ABLIM2: variants seen among roughly 807,000 people sequenced by gnomAD.
The protein encoded by ABLIM2 is actin-binding LIM protein 2.
ABLIM2 carries 53 observed loss-of-function variants against 97.7 expected under a neutral mutation model. The observed-to-expected ratio is 0.54, with a 90% confidence interval of 0.44 to 0.68. The LOEUF (loss-of-function observed/expected upper bound fraction) is 0.68, where lower values mean the gene tolerates loss of function less well. ABLIM2 is among the 30% of genes least tolerant of loss of function. The pLI, the probability that ABLIM2 is intolerant of heterozygous loss-of-function variation, is 0.00. For synonymous variants in ABLIM2, 361 were observed against 345.8 expected (o/e 1.04, Z -0.49); for missense variants, 835 against 867.2 (o/e 0.96, Z 0.47).
At chr4:8,028,109 G>A (rs1040876915) in intron 11 of ABLIM2, among the ~76,000 whole-genome samples, 5 of 152,240 alleles carry the variant, frequency 3.3e-5, no homozygotes, top group Non-Finnish European at 5.9e-5. Flanking sequence ...GTTCCCCAGG[G>A]GGGGTTAGGC....
rs76696765 is a variant in ABLIM2, at chr4:7,990,496, T to C, written c.1680+2370A>G. On this transcript the variant is annotated intron_variant, in intron 17 of 20. Coordinates refer to ENST00000447017, the MANE Select transcript of ABLIM2 (RefSeq NM_001130083.2). ...CAACCACGCCCCACCTCTCATGTAA[T>C]ATTTGTTTGTTTGTTTGTTTGTTTT... Among the ~76,000 whole-genome samples the C allele has an allele frequency of 4.0e-3, 609 of 152,214 alleles. 3 individuals are homozygous for C. The highest frequency in any genetic ancestry group is 0.013 in the African/African-American group (528 of 41,534).
At chr4:8,098,455 C>T (rs1438703818) in intron 2 of ABLIM2, among the ~76,000 whole-genome samples, 1 of 152,168 alleles carries the variant, frequency 6.6e-6, no homozygotes, top group African/African-American at 2.4e-5. Flanking sequence ...ATATCGAGGC[C>T]AAAGCAAGAC....
chr4:8,102,505 C>G (rs1033394483), intron 2 of ABLIM2, among the ~76,000 whole-genome samples: 1 of 152,214 alleles, frequency 6.6e-6, no homozygotes, highest in Non-Finnish European at 1.5e-5. Context: ...CCCAAATACC[C>G]TGAACAGTGC....
rs1024913103 is a variant in ABLIM2, at chr4:8,140,542, G to A, written c.10+18138C>T. 1.3e-5 allele frequency among the ~76,000 whole-genome samples: 2 copies of A among 152,194 alleles called. No individual in the cohort carries two copies. Among genetic ancestry groups the A allele is most frequent in the Non-Finnish European group, 2.9e-5 (2 of 68,040 alleles). The stretch of plus-strand genomic sequence containing the variant: ...CCTTGCCTGCATGTGGGAGCCACAC[G>A]TGGCCTCTCTTTAACCGGCTTCAAT... On this transcript the variant is annotated intron_variant, in intron 1 of 20. Transcript: ENST00000447017. The surrounding 1 kb of genome is among the most constrained non-coding windows in gnomAD (Gnocchi z 5.9).
At chr4:8,064,461 T>C (rs566310690) in intron 6 of ABLIM2, among the ~76,000 whole-genome samples, 1 of 152,290 alleles carries the variant, frequency 6.6e-6, no homozygotes, top group East Asian at 1.9e-4. Flanking sequence ...CCCCTCACCA[T>C]GGGACTCTGC....
chr4:8,145,118 C>G (rs1049988850), intron 1 of ABLIM2, among the ~76,000 whole-genome samples: 67 of 152,048 alleles, frequency 4.4e-4, no homozygotes, highest in Non-Finnish European at 9.6e-4. Flanking sequence ...TTTGTGGTGT[C>G]GGAGATCAAT....
chr4:8,008,617 G>A lies in ABLIM2; in HGVS notation c.1477-417C>T, dbSNP rs41266511. Among the ~76,000 whole-genome samples, 984 of 152,344 alleles carry A rather than the reference G, an allele frequency of 6.5e-3. 5 individuals are homozygous for A. The highest frequency in any genetic ancestry group is 0.011 in the Non-Finnish European group (719 of 68,028). ...TGTCATGAATACGTTGTTGGAACAC[G>A]GAGATGCCTGTTCGTGCCCTGGCTC... On this transcript the variant is annotated intron_variant, in intron 15 of 20. Transcript: ENST00000447017.
At position 8,128,790 on chromosome 4, in the gene ABLIM2, A is replaced by G. The variant is rs1848903696; in HGVS notation, c.11-22153T>C. ...CAGGTGGAGCCCTCATCATGGGATG[A>G]GTGCCCTTGTAAGAAGAGGCCAGAG... On this transcript the variant is annotated intron_variant, in intron 1 of 20. Coordinates refer to ENST00000447017, the MANE Select transcript of ABLIM2 (RefSeq NM_001130083.2). This position sits in a 1 kb window ranked among gnomAD's most constrained non-coding sequence, Gnocchi z 4.9. Among the ~76,000 whole-genome samples the G allele has an allele frequency of 2.0e-5, 3 of 152,220 alleles. No individual in the cohort carries two copies. Among genetic ancestry groups the G allele is most frequent in the African/African-American group, 7.2e-5 (3 of 41,540 alleles).
intron 17 of ABLIM2, among the ~76,000 whole-genome samples, chr4:7,988,348 G>A (rs776658205): frequency 5.9e-5 from 9 of 152,244 alleles, no homozygotes; most frequent in Non-Finnish European, 1.2e-4. Flanking sequence ...ACGTGCCTGT[G>A]GCTCTATAGG....
rs960878436 is a variant in ABLIM2 at position 8,032,593 on chromosome 4, T to C, written c.1048-2817A>G. On this transcript the variant is annotated intron_variant, in intron 10 of 20. Transcript: ENST00000447017. This position sits in a 1 kb window ranked among gnomAD's most constrained non-coding sequence, Gnocchi z 4.3. ...GAGTGCGGCTGGGTGGTTATGTTTA[T>C]AACCCAGGCAGCAGCGCCACGGCAA... 56 of 1,610,050 alleles carry C rather than the reference T, an allele frequency of 3.5e-5. No individual in the cohort carries two copies. The Admixed American group carries it at 8.0e-4, about 23-fold the overall frequency.
intron 2 of ABLIM2, among the ~76,000 whole-genome samples, chr4:8,102,059 C>T (rs1490268805): frequency 1.3e-5 from 2 of 152,334 alleles, no homozygotes; most frequent in East Asian, 3.9e-4. Context: ...ACCCAGAGAT[C>T]CATGGAAACC....
chr4:8,012,811 T>C (rs1765953213), intron 14 of ABLIM2, among the ~76,000 whole-genome samples: 1 of 152,186 alleles, frequency 6.6e-6, no homozygotes, highest in Non-Finnish European at 1.5e-5. Flanking sequence ...CATCCACCCA[T>C]CCATTCATCC....
Position 7,970,945 on chromosome 4 carries a change from G to A in ABLIM2, c.1825-3842C>T, listed in dbSNP as rs1727479045. ...GCTGACAGGGACCACCTCCCCGCAG[G>A]CTCCAGTCCTGTTTTCTGTCTGCAG... On this transcript the variant is annotated intron_variant, in intron 20 of 20. Transcript: ENST00000447017. This position sits in a 1 kb window ranked among gnomAD's most constrained non-coding sequence, Gnocchi z 5.3. Among the ~76,000 whole-genome samples the A allele has an allele frequency of 6.6e-6, 1 of 152,074 alleles. No individual in the cohort carries two copies. The highest frequency in any genetic ancestry group is 1.5e-5 in the Non-Finnish European group (1 of 67,986).
intron 1 of ABLIM2, among the ~76,000 whole-genome samples, chr4:8,118,395 G>A (rs993131222): frequency 3.9e-5 from 6 of 152,282 alleles, no homozygotes; most frequent in African/African-American, 1.4e-4. Flanking sequence ...GGAAAACTTG[G>A]GGTAGGTCCC....
intron 1 of ABLIM2, among the ~76,000 whole-genome samples, chr4:8,134,854 A>G (rs78432525): frequency 5.9e-4 from 90 of 152,370 alleles, no homozygotes; most frequent in African/African-American, 2.1e-3. Context: ...TTCCAGGAAT[A>G]TCCCTTACAT....
chr4:8,003,150 C>G lies in ABLIM2; in HGVS notation c.1618+4909G>C, dbSNP rs1270352828. ...GAGATGCCCCTTGGCTTACCACGGGCTCATCATATCCCATAAACCCAGTAA... is the reference window on the plus strand; with the variant it reads ...GAGATGCCCCTTGGCTTACCACGGGGTCATCATATCCCATAAACCCAGTAA... On this transcript the variant is annotated intron_variant, in intron 16 of 20. Transcript: ENST00000447017. The surrounding 1 kb of genome is among the most constrained non-coding windows in gnomAD (Gnocchi z 4.2). Among the ~76,000 whole-genome samples the G allele has an allele frequency of 2.0e-5, 3 of 152,214 alleles. No individual in the cohort carries two copies. The highest frequency in any genetic ancestry group is 6.5e-5 in the Admixed American group (1 of 15,284).
intron 1 of ABLIM2, among the ~76,000 whole-genome samples, chr4:8,137,712 C>A (rs1331967988): frequency 6.6e-6 from 1 of 152,218 alleles, no homozygotes; most frequent in African/African-American, 2.4e-5. Context: ...CTCAAAATGC[C>A]CCCACCAAGT....
In ABLIM2 at chr4:8,005,443, C is replaced by T. The variant is rs191761893; in HGVS notation, c.1618+2616G>A. On this transcript the variant is annotated intron_variant, in intron 16 of 20. Coordinates refer to ENST00000447017, the MANE Select transcript of ABLIM2 (RefSeq NM_001130083.2). The surrounding 1 kb of genome is among the most constrained non-coding windows in gnomAD (Gnocchi z 4.9). ...GATGGACGTCCCGGGGTGCAGGTGGCGTGCCTTGCTGTGTGCAAATGCTTT... is the reference window on the plus strand; with the variant it reads ...GATGGACGTCCCGGGGTGCAGGTGGTGTGCCTTGCTGTGTGCAAATGCTTT... The T allele has an allele frequency of 1.9e-5, 10 of 532,848 alleles. No individual in the cohort carries two copies. The highest frequency in any genetic ancestry group is 5.4e-5 in the East Asian group (1 of 18,354). 33.0% of individuals were successfully genotyped at this position (532,848 alleles called of 1,614,324 possible).
intron 16 of ABLIM2, among the ~76,000 whole-genome samples, chr4:8,000,487 T>A (rs964245870): frequency 6.6e-6 from 1 of 151,782 alleles, no homozygotes. Context: ...ATGGGTGGAC[T>A]AGCGCCCGCA....
Sources: gnomAD v4.1 joint callset for allele counts (sites outside exome capture counted in the v4.1 genomes callset) on GRCh38, gnomAD v4.1.1 for gene constraint, Gnocchi (gnomAD v3.1) non-coding constraint, MANE v1.5 for transcripts, NCBI Gene and HGNC (gene_info 2026-07-23, HGNC 2026-07-21) for gene names.